GABRB1: variants seen among roughly 807,000 people sequenced by gnomAD.
GABRB1 encodes the protein gamma-aminobutyric acid receptor subunit beta-1.
A neutral mutation model predicts 51.6 loss-of-function variants in GABRB1; 17 were observed. The observed-to-expected ratio is 0.33, with a 90% CI of 0.23 to 0.49. GABRB1 has a LOEUF of 0.49. Ranked by LOEUF, GABRB1 falls within the 20% of genes least tolerant of loss-of-function variation. The probability of loss-of-function intolerance (pLI) is 0.99; values close to 1 mark genes in which losing one functional copy is unlikely to be tolerated. For synonymous variants in GABRB1, 247 were observed against 218.9 expected, an observed-to-expected ratio of 1.13 and a Z score of -1.14; for missense variants, 410 against 600.6, an observed-to-expected ratio of 0.68 and a Z score of 3.32.
chr4:47,105,412 GT>G (rs1340479276), intron 3 of GABRB1, among the ~76,000 whole-genome samples: 4 of 151,216 alleles, frequency 2.6e-5, no homozygotes, highest in Middle Eastern at 3.4e-3. Flanking sequence ...GAACAAGGTG[GT>G]CCTCTCTGTT....
intron 4 of GABRB1, among the ~76,000 whole-genome samples, chr4:47,290,442 C>T (rs1723683342): frequency 6.6e-6 from 1 of 152,072 alleles, no homozygotes; most frequent in Non-Finnish European, 1.5e-5. Flanking sequence ...CAGACTAATA[C>T]AGTAATTGGT....
At chr4:47,402,005 C>T (rs1050424495) in intron 5 of GABRB1, among the ~76,000 whole-genome samples, 1 of 152,216 alleles carries the variant, frequency 6.6e-6, no homozygotes, top group African/African-American at 2.4e-5. Flanking sequence ...CAATTAGTCC[C>T]ATGTAGATTA....
chr4:47,299,296 A>G (rs1390053661), intron 4 of GABRB1, among the ~76,000 whole-genome samples: 6 of 152,162 alleles, frequency 3.9e-5, no homozygotes, highest in Non-Finnish European at 8.8e-5. Context: ...ATCAGAGTGA[A>G]CAGGCAACCT....
intron 3 of GABRB1, among the ~76,000 whole-genome samples, chr4:47,056,546 A>T (rs573015731): frequency 6.6e-6 from 1 of 152,322 alleles, no homozygotes; most frequent in African/African-American, 2.4e-5. Flanking sequence ...AAAGTCAAAC[A>T]TGAGTGAGAA....
intron 3 of GABRB1, among the ~76,000 whole-genome samples, chr4:47,107,766 A>G (rs1302656821): frequency 6.6e-6 from 1 of 152,076 alleles, no homozygotes; most frequent in Non-Finnish European, 1.5e-5. Context: ...AAAACAAAAC[A>G]AAAGTTGCTC....
At chr4:47,323,215 T>C (rs1012252250) in intron 5 of GABRB1, among the ~76,000 whole-genome samples, 1 of 152,298 alleles carries the variant, frequency 6.6e-6, no homozygotes, top group African/African-American at 2.4e-5. Context: ...AGGCAGGCCT[T>C]GATTCTATTG....
chr4:47,346,832 G>A (rs976756430), intron 5 of GABRB1, among the ~76,000 whole-genome samples: 2 of 152,220 alleles, frequency 1.3e-5, no homozygotes, highest in Non-Finnish European at 2.9e-5. Context: ...AAAAGGCATG[G>A]ATGACCAGGG....
At chr4:47,370,378 T>C (rs995974449) in intron 5 of GABRB1, among the ~76,000 whole-genome samples, 5 of 151,532 alleles carry the variant, frequency 3.3e-5, no homozygotes, top group Non-Finnish European at 7.4e-5. Context: ...TCCCAGCTAC[T>C]CGGGAGGCTG....
chr4:47,349,411 A>G (rs954808760), intron 5 of GABRB1, among the ~76,000 whole-genome samples: 6 of 152,006 alleles, frequency 3.9e-5, no homozygotes, highest in African/African-American at 1.4e-4. Context: ...GGACAGTAGT[A>G]CCTCCCTTAC....
intron 8 of GABRB1, among the ~76,000 whole-genome samples, chr4:47,419,671 T>C (rs919674097): frequency 4.6e-5 from 7 of 152,212 alleles, no homozygotes; most frequent in African/African-American, 1.7e-4. Flanking sequence ...GCTGATGTCT[T>C]CATCAGTGTC....
chr4:47,057,720 T>C lies in GABRB1; in HGVS notation c.240+25236T>C, dbSNP rs200786343. Among the ~76,000 whole-genome samples the C allele has an allele frequency of 9.2e-5, 14 of 152,348 alleles. No individual in the cohort carries two copies. The East Asian group carries it at 2.5e-3, about 27-fold the overall frequency. On this transcript the variant is annotated intron_variant, in intron 3 of 8. Coordinates refer to ENST00000295454, the MANE Select transcript of GABRB1 (RefSeq NM_000812.4). ...TCTCTTAGGATTAGCTGCAAGTGTG[T>C]CTAAACCTGGATGTAAGAGGAGAGT...
chr4:47,174,061 C>T (rs555462889), intron 4 of GABRB1, among the ~76,000 whole-genome samples: 114 of 151,424 alleles, frequency 7.5e-4, no homozygotes, highest in African/African-American at 2.5e-3. Flanking sequence ...TTTTTGTTCC[C>T]TTTTCTGGCT....
intron 1 of GABRB1, among the ~76,000 whole-genome samples, chr4:47,021,172 G>A (rs966499046): frequency 5.3e-5 from 8 of 151,942 alleles, no homozygotes; most frequent in Non-Finnish European, 1.5e-5. Context: ...CTATCTAAAC[G>A]TATCATATAC....
At chr4:47,167,632 T>C (rs1181039429) in intron 4 of GABRB1, among the ~76,000 whole-genome samples, 1 of 152,136 alleles carries the variant, frequency 6.6e-6, no homozygotes. Context: ...GAAATGTAAT[T>C]GCCATTGTGA....
intron 3 of GABRB1, among the ~76,000 whole-genome samples, chr4:47,111,821 T>C (rs933882610): frequency 1.3e-5 from 2 of 152,068 alleles, no homozygotes; most frequent in Non-Finnish European, 2.9e-5. Context: ...GCTGAGATCA[T>C]ACCACTGCAC....
At chr4:47,362,487 A>G (rs1726844004) in intron 5 of GABRB1, among the ~76,000 whole-genome samples, 1 of 152,202 alleles carries the variant, frequency 6.6e-6, no homozygotes, top group African/African-American at 2.4e-5. Flanking sequence ...TCTCACATCA[A>G]GTTATAAAAT....
At chr4:47,075,807 G>A (rs965937756) in intron 3 of GABRB1, among the ~76,000 whole-genome samples, 1 of 152,154 alleles carries the variant, frequency 6.6e-6, no homozygotes, top group Non-Finnish European at 1.5e-5. Flanking sequence ...GGATATTTAA[G>A]GATATCGAGA....
At chr4:47,219,787 A>T (rs1720699379) in intron 4 of GABRB1, among the ~76,000 whole-genome samples, 1 of 151,868 alleles carries the variant, frequency 6.6e-6, no homozygotes, top group Non-Finnish European at 1.5e-5. Flanking sequence ...TCTCTGATTC[A>T]ACTCACAGAC....
intron 4 of GABRB1, among the ~76,000 whole-genome samples, chr4:47,206,876 G>A (rs962205623): frequency 6.6e-6 from 1 of 151,438 alleles, no homozygotes; most frequent in African/African-American, 2.4e-5. Context: ...ATGTGTGTGT[G>A]TATGTATATA....
Sources: allele counts gnomAD v4.1 joint callset (sites outside exome capture counted in the v4.1 genomes callset), GRCh38; gene constraint gnomAD v4.1.1; transcripts MANE v1.5; gene names NCBI Gene and HGNC (gene_info 2026-07-23, HGNC 2026-07-21).